BCAS3: variants seen among roughly 807,000 people sequenced by gnomAD.
BCAS3 encodes BCAS3 microtubule associated cell migration factor, also known as BCAS4/BCAS3 fusion.
BCAS3 carries 53 observed loss-of-function variants against 116.1 expected under a neutral mutation model. The ratio of observed to expected loss-of-function variants is 0.46; its 90% confidence interval spans 0.37 to 0.57. BCAS3 has a LOEUF of 0.57. Ranked by LOEUF, BCAS3 falls within the 20% of genes least tolerant of loss-of-function variation. The pLI is 0.00. For missense variants in BCAS3, 917 were observed against 1,165.4 expected (o/e 0.79, Z 3.10); for synonymous variants, 391 against 408.2 (o/e 0.96, Z 0.51).
At position 61,309,183 on chromosome 17, in the gene BCAS3, C is replaced by T. The variant is rs1186643988; in HGVS notation, c.2426-59144C>T. Among the ~76,000 whole-genome samples, 3 of 152,242 alleles carry T rather than the reference C, an allele frequency of 2.0e-5. No homozygotes were observed. The highest frequency in any genetic ancestry group is 6.5e-5 in the Admixed American group (1 of 15,292). ...GGGTTTAGTGACAGGGAAAAAAGAA[C>T]GTTAGCTCATGTGAGGATACGTATA... On this transcript the variant is annotated intron_variant, in intron 22 of 23. Transcript: ENST00000407086. This position sits in a 1 kb window ranked among gnomAD's most constrained non-coding sequence, Gnocchi z 4.6.
chr17:61,119,567 G>A (rs929076332), intron 22 of BCAS3, among the ~76,000 whole-genome samples: 7 of 151,836 alleles, frequency 4.6e-5, no homozygotes, highest in African/African-American at 7.3e-5. Context: ...ACCAAAAACC[G>A]ACATCATATT....
At chr17:61,078,187 C>G in intron 20 of BCAS3, 146 bp from the exon 21 acceptor site, 1 of 628,396 alleles carries the variant, frequency 1.6e-6, no homozygotes, top group Non-Finnish European at 2.8e-6. Context: ...TTATCATCAC[C>G]TTTTAATTAT....
intron 7 of BCAS3, 62 bp downstream of exon 7, chr17:60,808,138 G>A: frequency 8.9e-7 from 1 of 1,126,740 alleles, no homozygotes; most frequent in South Asian, 1.4e-5. Context: ...TCCAGAGGGA[G>A]AACTTTGATG....
At chr17:60,980,610 C>G (rs74436206) in intron 14 of BCAS3, 1 of 150,784 alleles carries the variant, frequency 6.6e-6, no homozygotes, top group African/African-American at 2.4e-5. Flanking sequence ...ACAGCTCACA[C>G]CAATCTTGAC....
At chr17:60,678,510 A>G (rs2032390534) in intron 1 of BCAS3, among the ~76,000 whole-genome samples, 1 of 152,152 alleles carries the variant, frequency 6.6e-6, no homozygotes, top group Non-Finnish European at 1.5e-5. Flanking sequence ...TTAAAATCTC[A>G]GTGATTCAGA....
intron 5 of BCAS3, among the ~76,000 whole-genome samples, chr17:60,728,622 G>T (rs937376455): frequency 5.3e-5 from 8 of 152,000 alleles, no homozygotes; most frequent in African/African-American, 1.9e-4. Flanking sequence ...TGGGATTACA[G>T]GTGCCCGCCG....
chr17:61,020,794 C>T lies in BCAS3; in HGVS notation c.1637+4893C>T, dbSNP rs2065821447. Among the ~76,000 whole-genome samples, 4 of 152,160 alleles carry T rather than the reference C, an allele frequency of 2.6e-5. No homozygotes were observed. Among genetic ancestry groups the T allele is most frequent in the Admixed American group, 2.6e-4 (4 of 15,284 alleles). On this transcript the variant is annotated intron_variant, in intron 16 of 23. Transcript: ENST00000407086. This position sits in a 1 kb window ranked among gnomAD's most constrained non-coding sequence, Gnocchi z 4.5. ...TGAGCTTAATTTTATCTGCTTAAAT[C>T]TAAAATTATTTATATTTCCAAATTA...
intron 13 of BCAS3, among the ~76,000 whole-genome samples, chr17:60,937,143 C>T (rs987420147): frequency 3.3e-5 from 5 of 152,004 alleles, no homozygotes; most frequent in African/African-American, 1.2e-4. Context: ...TTGTTTTTGT[C>T]AGGTTTGTCA....
intron 10 of BCAS3, among the ~76,000 whole-genome samples, chr17:60,895,731 T>C (rs1175212227): frequency 6.6e-6 from 1 of 152,226 alleles, no homozygotes; most frequent in African/African-American, 2.4e-5. Context: ...AGTTTTGGTA[T>C]GTTGTGTTTC....
intron 7 of BCAS3, 130 bp from the exon 8 acceptor site, chr17:60,868,446 T>A (rs1423949619): frequency 1.9e-6 from 1 of 520,868 alleles, no homozygotes; most frequent in African/African-American, 2.0e-5. Flanking sequence ...ATTTTTGGGA[T>A]AAGTTTTGAA....
In BCAS3 at chr17:60,902,601, C is replaced by T. The variant is rs1161846430; in HGVS notation, c.739-19C>T. On this transcript the variant is annotated intron_variant, in intron 10 of 23. Coordinates refer to ENST00000407086, the MANE Select transcript of BCAS3 (RefSeq NM_017679.5). ...TTAATAGAAATGACGTTCTGCTTCTCTCTCTCTCTTTTTCTCAGTTGATTC... is the reference window on the plus strand; with the variant it reads ...TTAATAGAAATGACGTTCTGCTTCTTTCTCTCTCTTTTTCTCAGTTGATTC... The T allele has an allele frequency of 6.3e-7, 1 of 1,579,396 alleles. No homozygotes were observed. The highest frequency in any genetic ancestry group is 1.1e-5 in the South Asian group (1 of 90,202).
chr17:61,069,896 C>T (rs1199940611), intron 19 of BCAS3: 2 of 1,299,418 alleles, frequency 1.5e-6, no homozygotes, highest in Non-Finnish European at 2.2e-6. Context: ...AAGAAGGAAG[C>T]TCCTGCCCCT....
rs147630088 is a variant in BCAS3, at chr17:61,279,136, G to A, written c.2426-89191G>A. Among the ~76,000 whole-genome samples, 7,945 of 151,484 alleles carry A rather than the reference G, an allele frequency of 0.052. 237 individuals carry two copies. The highest frequency in any genetic ancestry group is 0.095 in the African/African-American group (3,922 of 41,202). Reference sequence around the variant, plus strand: ...TAATTTTTGTATCTTTAGTAGAGACGGGGTTTTACTGTGTTGGCCAGGCTG... The same window carrying A: ...TAATTTTTGTATCTTTAGTAGAGACAGGGTTTTACTGTGTTGGCCAGGCTG... On this transcript the variant is annotated intron_variant, in intron 22 of 23. Coordinates refer to ENST00000407086, the MANE Select transcript of BCAS3 (RefSeq NM_017679.5). The surrounding 1 kb of genome is among the most constrained non-coding windows in gnomAD (Gnocchi z 4.4).
At chr17:60,988,302 C>G (rs1278137291) in intron 14 of BCAS3, among the ~76,000 whole-genome samples, 1 of 101,742 alleles carries the variant, frequency 9.8e-6, no homozygotes, top group Non-Finnish European at 2.2e-5. Context: ...CTTGTCTGGT[C>G]TTGTCTTTTC....
intron 6 of BCAS3, among the ~76,000 whole-genome samples, chr17:60,775,255 G>T (rs1276992561): frequency 1.3e-5 from 2 of 152,104 alleles, no homozygotes; most frequent in Non-Finnish European, 2.9e-5. Context: ...AAAAGAAAGT[G>T]ATAAAAACAC....
chr17:61,106,602 T>C lies in BCAS3; in HGVS notation c.2425+22038T>C, dbSNP rs2074669017. ...GCGTGGGTGTATAGTGTTGGTACTG[T>C]CCATGGTTTCAGGCATCCACTGGGG... On this transcript the variant is annotated intron_variant, in intron 22 of 23. Transcript: ENST00000407086. The surrounding 1 kb of genome is among the most constrained non-coding windows in gnomAD (Gnocchi z 4.2). Among the ~76,000 whole-genome samples the C allele has an allele frequency of 6.6e-6, 1 of 152,216 alleles. No individual in the cohort carries two copies. The highest frequency in any genetic ancestry group is 2.1e-4 in the South Asian group (1 of 4,826).
chr17:61,143,748 G>A (rs1175415971), intron 22 of BCAS3, among the ~76,000 whole-genome samples: 1 of 152,244 alleles, frequency 6.6e-6, no homozygotes, highest in African/African-American at 2.4e-5. Flanking sequence ...GGCAGAGGCT[G>A]TAGTGAGCCA....
chr17:61,011,490 C>G (rs2065111753), intron 15 of BCAS3, among the ~76,000 whole-genome samples: 1 of 152,088 alleles, frequency 6.6e-6, no homozygotes, highest in African/African-American at 2.4e-5. Context: ...GTGAAAGCCG[C>G]AGACTCCAGT....
chr17:61,217,671 C>T lies in BCAS3; in HGVS notation c.2425+133107C>T, dbSNP rs1014942620. Among the ~76,000 whole-genome samples, 1 of 152,150 alleles carries T rather than the reference C, an allele frequency of 6.6e-6. No homozygotes were observed. The highest frequency in any genetic ancestry group is 1.5e-5 in the Non-Finnish European group (1 of 68,016). On this transcript the variant is annotated intron_variant, in intron 22 of 23. Coordinates refer to ENST00000407086, the MANE Select transcript of BCAS3 (RefSeq NM_017679.5). The surrounding 1 kb of genome is among the most constrained non-coding windows in gnomAD (Gnocchi z 5.2). ...CTGCATTTTTATCCTGTTAGGTTTTCCAGACCTGATATCATTAGGCAGCTT... is the reference window on the plus strand; with the variant it reads ...CTGCATTTTTATCCTGTTAGGTTTTTCAGACCTGATATCATTAGGCAGCTT...
Sources: gnomAD v4.1 joint callset for allele counts (sites outside exome capture counted in the v4.1 genomes callset) on GRCh38, gnomAD v4.1.1 for gene constraint, Gnocchi (gnomAD v3.1) non-coding constraint, MANE v1.5 for transcripts, NCBI Gene and HGNC (gene_info 2026-07-23, HGNC 2026-07-21) for gene names.